CTNNA3: variants seen among roughly 807,000 people sequenced by gnomAD.
CTNNA3 encodes the protein catenin alpha 3.
In CTNNA3, 76 loss-of-function variants were observed where a neutral mutation model predicts 95.7. The ratio of observed to expected loss-of-function variants is 0.79; its 90% CI spans 0.66 to 0.96. The LOEUF (loss-of-function observed/expected upper bound fraction) is 0.96. Among genes scored for constraint, CTNNA3 ranks in the 40% least tolerant of loss-of-function variants. CTNNA3 has a pLI of 0.00. For synonymous variants in CTNNA3, 431 were observed against 374.4 expected (o/e 1.15, Z -1.74); for missense variants, 1,191 against 1,089.8 (o/e 1.09, Z -1.31).
intron 5 of CTNNA3, among the ~76,000 whole-genome samples, chr10:67,336,010 C>A (rs530849002): frequency 2.6e-5 from 4 of 152,028 alleles, no homozygotes; most frequent in Non-Finnish European, 5.9e-5. Flanking sequence ...ATATTTCAAA[C>A]TTCTTCATTA....
rs112640809 is a variant in CTNNA3, at chr10:66,615,016, G to A, written c.1374+6676C>T. ...ATGAAATTCTCTCTCCAATATTTTT[G>A]TCAAGGTACACCCTATTTTGCTTTT... On this transcript the variant is annotated intron_variant, in intron 10 of 17. Transcript: ENST00000433211. Among the ~76,000 whole-genome samples the A allele has an allele frequency of 3.3e-3, 500 of 151,916 alleles. 4 individuals carry two copies. The highest frequency in any genetic ancestry group is 0.012 in the African/African-American group (480 of 41,490).
intron 5 of CTNNA3, among the ~76,000 whole-genome samples, chr10:67,475,501 G>A (rs1241194078): frequency 1.3e-5 from 2 of 152,132 alleles, no homozygotes; most frequent in Non-Finnish European, 2.9e-5. Context: ...AAGAAGGTAG[G>A]GAAGATGATG....
At chr10:66,043,076 T>C (rs1426562063) in intron 15 of CTNNA3, among the ~76,000 whole-genome samples, 1 of 136,378 alleles carries the variant, frequency 7.3e-6, no homozygotes, top group East Asian at 2.1e-4. Flanking sequence ...AAACAGAAGG[T>C]GTGTTGACAA....
intron 5 of CTNNA3, among the ~76,000 whole-genome samples, chr10:67,483,141 A>G (rs957843145): frequency 1.8e-4 from 27 of 151,744 alleles, no homozygotes; most frequent in African/African-American, 6.6e-4. Context: ...GGATGTGGAG[A>G]AATAGGAACA....
At chr10:67,191,597 T>G (rs1283855425) in intron 6 of CTNNA3, among the ~76,000 whole-genome samples, 1 of 151,806 alleles carries the variant, frequency 6.6e-6, no homozygotes, top group African/African-American at 2.4e-5. Context: ...TGAAAAAAAT[T>G]GAAGACACAA....
At chr10:67,624,817 T>C (rs1276195257) in intron 2 of CTNNA3, among the ~76,000 whole-genome samples, 1 of 152,232 alleles carries the variant, frequency 6.6e-6, no homozygotes, top group African/African-American at 2.4e-5. Context: ...AATCAGTTTG[T>C]CTCTTTTTTC....
intron 1 of CTNNA3, among the ~76,000 whole-genome samples, chr10:67,676,003 T>C (rs1042104052): frequency 9.9e-5 from 15 of 152,118 alleles, no homozygotes; most frequent in Admixed American, 9.8e-4. Flanking sequence ...CAATAACCAA[T>C]ATATTTTAAA....
chr10:66,303,140 A>G (rs780808111), intron 12 of CTNNA3, among the ~76,000 whole-genome samples: 3 of 152,196 alleles, frequency 2.0e-5, no homozygotes, highest in Non-Finnish European at 4.4e-5. Context: ...TTAAAATAGG[A>G]TAATAGCAAC....
chr10:66,629,059 A>T (rs182047237), intron 9 of CTNNA3, among the ~76,000 whole-genome samples: 88 of 152,268 alleles, frequency 5.8e-4, no homozygotes, highest in Non-Finnish European at 7.8e-4. Flanking sequence ...GAGATAAGAA[A>T]GGTTGCCCAC....
chr10:66,250,939 T>C (rs1221522378), intron 13 of CTNNA3, among the ~76,000 whole-genome samples: 3 of 152,202 alleles, frequency 2.0e-5, no homozygotes, highest in Admixed American at 6.5e-5. Context: ...CTAGTTACCA[T>C]ATGAAGTGGA....
At chr10:67,642,924 A>G (rs558947828) in intron 2 of CTNNA3, among the ~76,000 whole-genome samples, 17,709 of 148,206 alleles carry the variant, frequency 0.12, 1,990 homozygotes, top group African/African-American at 0.29. Context: ...GATTTCTCAA[A>G]GACCTAGATG....
At chr10:67,130,288 C>T (rs148341554) in intron 7 of CTNNA3, among the ~76,000 whole-genome samples, 31 of 152,148 alleles carry the variant, frequency 2.0e-4, no homozygotes, top group African/African-American at 7.0e-4. Context: ...ATCCAGTCTC[C>T]TTGGTTTGTA....
intron 15 of CTNNA3, among the ~76,000 whole-genome samples, chr10:66,033,284 C>T (rs566205662): frequency 6.6e-6 from 1 of 151,972 alleles, no homozygotes; most frequent in South Asian, 2.1e-4. Flanking sequence ...GCGCCCACCA[C>T]CACGCCCGGC....
intron 7 of CTNNA3, among the ~76,000 whole-genome samples, chr10:66,879,436 C>A (rs959646731): frequency 6.6e-6 from 1 of 152,056 alleles, no homozygotes; most frequent in Non-Finnish European, 1.5e-5. Flanking sequence ...GAACCAAAGT[C>A]TATGGATCGT....
chr10:67,202,959 C>T (rs1402861135), intron 6 of CTNNA3, among the ~76,000 whole-genome samples: 1 of 152,204 alleles, frequency 6.6e-6, no homozygotes, highest in Middle Eastern at 3.4e-3. Flanking sequence ...TAATTAATTG[C>T]TTATTTTAGT....
chr10:67,159,559 A>G (rs964948408), intron 7 of CTNNA3, among the ~76,000 whole-genome samples: 7 of 152,368 alleles, frequency 4.6e-5, no homozygotes, highest in Non-Finnish European at 4.4e-5. Flanking sequence ...AAAATGTTTT[A>G]AAAATCTACA....
intron 1 of CTNNA3, among the ~76,000 whole-genome samples, chr10:67,703,095 A>G (rs1307763870): frequency 6.6e-6 from 1 of 152,246 alleles, no homozygotes; most frequent in African/African-American, 2.4e-5. Flanking sequence ...GAATCTTTGA[A>G]TAGACCAATA....
At chr10:66,233,740 T>C (rs557054565) in intron 13 of CTNNA3, among the ~76,000 whole-genome samples, 1 of 152,320 alleles carries the variant, frequency 6.6e-6, no homozygotes, top group South Asian at 2.1e-4. Context: ...TATAAAACTT[T>C]GGAACTTGCC....
chr10:67,016,065 C>T (rs547307992), intron 7 of CTNNA3, among the ~76,000 whole-genome samples: 1 of 152,180 alleles, frequency 6.6e-6, no homozygotes, highest in South Asian at 2.1e-4. Context: ...TTTCTGAACC[C>T]TATTTTTAGA....
Sources: gnomAD v4.1 joint callset for allele counts (sites outside exome capture counted in the v4.1 genomes callset) on GRCh38, gnomAD v4.1.1 for gene constraint, MANE v1.5 for transcripts, NCBI Gene and HGNC (gene_info 2026-07-23, HGNC 2026-07-21) for gene names.